The following PCDH11X variants were observed in gnomAD, a reference collection of about 807,000 sequenced individuals.
PCDH11X encodes the protein protocadherin-11 X-linked.
A neutral mutation model predicts 53.3 loss-of-function variants in PCDH11X; 18 were observed. That is an observed-to-expected ratio of 0.34 (90% CI 0.23 to 0.50). The LOEUF (loss-of-function observed/expected upper bound fraction) is 0.50. Ranked by LOEUF, PCDH11X falls within the 20% of genes least tolerant of loss-of-function variation. The pLI, the probability that PCDH11X is intolerant of heterozygous loss-of-function variation, is 0.98. For missense variants in PCDH11X, 570 were observed against 1,032.4 expected (o/e 0.55, Z 6.14); for synonymous variants, 279 against 393.3 (o/e 0.71, Z 3.44).
chrX:91,882,939 C>A (rs1939982966), intron 6 of PCDH11X: 2 of 1,184,263 alleles, frequency 1.7e-6, no homozygotes, highest in Non-Finnish European at 2.3e-6. Flanking sequence ...TTGAAATCTG[C>A]AGTGAGATAT....
chrX:92,586,977 C>CT (rs34675403), intron 10 of PCDH11X, among the ~76,000 whole-genome samples: 15,072 of 72,705 alleles, frequency 0.21, 1,864 homozygotes, highest in Non-Finnish European at 0.29. Flanking sequence ...ACACAGAAGC[C>CT]TTTTTTTTTT....
chrX:92,355,448 AG>A (rs1204119572), intron 8 of PCDH11X, among the ~76,000 whole-genome samples: 880 of 82,214 alleles, frequency 0.011, 43 homozygotes, highest in Middle Eastern at 0.02. Context: ...AAAAAAAAAA[AG>A]AAATTGTTGA....
rs745891186 is a variant in PCDH11X, at chrX:92,619,298, C to T, written c.*358C>T. On this transcript the variant is annotated 3_prime_UTR_variant, in exon 11 of 11. Coordinates refer to ENST00000682573, the MANE Select transcript of PCDH11X (RefSeq NM_032968.5). The stretch of plus-strand genomic sequence containing the variant: ...CTGATTGTGTGGAACCAGTATGTAG[C>T]AAATGGAAAGCCTAGAAATATCTTA... 1.3e-3 allele frequency: 338 copies of T among 250,885 alleles called. 3 individuals carry two copies. The highest frequency in any genetic ancestry group is 9.0e-3 in the African/African-American group (312 of 34,848). 20.7% of individuals were successfully genotyped at this position (250,885 alleles called of 1,213,427 possible). A position where few individuals can be genotyped will look rare whatever the true frequency, so the allele number is the denominator to read the frequency against.
intron 1 of PCDH11X, among the ~76,000 whole-genome samples, chrX:91,790,810 A>AAAC (rs1935505345): frequency 1.8e-5 from 2 of 111,633 alleles, no homozygotes; most frequent in South Asian, 7.6e-4. Context: ...TATCAAGTTA[A>AAAC]AACAAATGAC....
chrX:91,788,482 T>C lies in PCDH11X; in HGVS notation c.-379+8798T>C, dbSNP rs376744207. On this transcript the variant is annotated intron_variant, in intron 1 of 10. Coordinates refer to ENST00000682573, the MANE Select transcript of PCDH11X (RefSeq NM_032968.5). ...CTAGAAATATACATTCCTGGAAGGA[T>C]GGTTTTATTTTTATAAATGCATATT... is the stretch of plus-strand genomic sequence containing the variant. Among the ~76,000 whole-genome samples the C allele has an allele frequency of 1.3e-3, 149 of 111,841 alleles. 1 individual carries two copies. The South Asian group carries it at 0.054, about 40-fold the overall frequency.
intron 8 of PCDH11X, among the ~76,000 whole-genome samples, chrX:92,384,803 A>T (rs1263549148): frequency 4.7e-5 from 5 of 105,492 alleles, no homozygotes; most frequent in Non-Finnish European, 9.8e-5. Context: ...AGAATCTTGT[A>T]GCCTCCAGCT....
At chrX:91,821,987 A>T (rs1202899959) in intron 4 of PCDH11X, among the ~76,000 whole-genome samples, 2 of 99,177 alleles carry the variant, frequency 2.0e-5, no homozygotes, top group Non-Finnish European at 3.8e-5. Flanking sequence ...TATTGATTTG[A>T]GTATATTGAA....
chrX:92,399,623 G>A (rs1319668869), intron 9 of PCDH11X, among the ~76,000 whole-genome samples: 2 of 111,991 alleles, frequency 1.8e-5, no homozygotes, highest in African/African-American at 6.5e-5. Context: ...AGAAAGTTTC[G>A]AAGGTCAGTG....
At chrX:92,284,322 A>T (rs188535140) in intron 8 of PCDH11X, among the ~76,000 whole-genome samples, 1,874 of 109,378 alleles carry the variant, frequency 0.017, 22 homozygotes, top group Non-Finnish European at 0.028. Flanking sequence ...AAAGATAAAA[A>T]ATTCAAAGCA....
At chrX:92,524,399 G>A (rs1276610118) in intron 10 of PCDH11X, among the ~76,000 whole-genome samples, 6 of 104,101 alleles carry the variant, frequency 5.8e-5, no homozygotes, top group South Asian at 4.6e-4. Flanking sequence ...TTTCAGAAGC[G>A]ACTTCTGCAA....
chrX:91,989,200 T>C (rs1276203679), intron 6 of PCDH11X, among the ~76,000 whole-genome samples: 1 of 108,664 alleles, frequency 9.2e-6, no homozygotes, highest in Non-Finnish European at 1.9e-5. Flanking sequence ...TTACACTTCT[T>C]AAATAAAAAA....
At chrX:92,195,868 G>A (rs889193655) in intron 6 of PCDH11X, among the ~76,000 whole-genome samples, 2 of 112,030 alleles carry the variant, frequency 1.8e-5, no homozygotes, top group Admixed American at 1.9e-4. Context: ...TGTCTTGTCT[G>A]TGCCATGCTG....
At chrX:91,888,419 G>C (rs1471763024) in intron 6 of PCDH11X, among the ~76,000 whole-genome samples, 1 of 111,854 alleles carries the variant, frequency 8.9e-6, no homozygotes, top group African/African-American at 3.2e-5. Context: ...TTGGGAGGCC[G>C]AGGCAGGTGG....
At chrX:92,068,990 C>T (rs2063658201) in intron 6 of PCDH11X, among the ~76,000 whole-genome samples, 1 of 110,491 alleles carries the variant, frequency 9.1e-6, no homozygotes, top group African/African-American at 3.3e-5. Context: ...ATATTAGTTC[C>T]ATTTGTTCTA....
intron 7 of PCDH11X, among the ~76,000 whole-genome samples, chrX:92,208,425 G>A (rs868539846): frequency 5.1e-4 from 47 of 92,794 alleles, no homozygotes; most frequent in African/African-American, 1.8e-3. Flanking sequence ...CCTTTGTCTG[G>A]CTTCAAAGCT....
intron 4 of PCDH11X, among the ~76,000 whole-genome samples, chrX:91,830,879 T>C (rs1223764889): frequency 9.0e-6 from 1 of 111,668 alleles, no homozygotes; most frequent in African/African-American, 3.2e-5. Context: ...CTCATGTGTT[T>C]GTTGTTCTAG....
intron 10 of PCDH11X, among the ~76,000 whole-genome samples, chrX:92,607,819 G>A (rs72608347): frequency 0.24 from 26,703 of 110,242 alleles, 2,620 homozygotes; most frequent in African/African-American, 0.33. Flanking sequence ...TGAAAGTAAA[G>A]TTATATGTGT....
At chrX:92,363,300 A>G (rs2148542029) in intron 8 of PCDH11X, among the ~76,000 whole-genome samples, 1 of 111,339 alleles carries the variant, frequency 9.0e-6, no homozygotes, top group South Asian at 3.7e-4. Context: ...ATAGCTTTCT[A>G]CTTATTTGTG....
intron 10 of PCDH11X, among the ~76,000 whole-genome samples, chrX:92,506,353 G>T (rs1420327232): frequency 9.8e-6 from 1 of 101,571 alleles, no homozygotes; most frequent in African/African-American, 3.6e-5. Context: ...TGCTCAATTA[G>T]TATGATGTTG....
Sources: allele counts gnomAD v4.1 joint callset (sites outside exome capture counted in the v4.1 genomes callset), GRCh38; gene constraint gnomAD v4.1.1; transcripts MANE v1.5; gene names NCBI Gene and HGNC (gene_info 2026-07-23, HGNC 2026-07-21).